The following CX3CL1 variants were observed in gnomAD, a reference collection of about 807,000 sequenced individuals.
The protein encoded by CX3CL1 is C-X3-C motif chemokine ligand 1.
A neutral mutation model predicts 14.1 loss-of-function variants in CX3CL1; 1 was observed. The ratio of observed to expected loss-of-function variants is 0.07; its 90% CI spans 0.03 to 0.34. The LOEUF is 0.34. Among genes scored for constraint, CX3CL1 ranks in the 10% least tolerant of loss-of-function variants. The pLI, the probability that CX3CL1 is intolerant of heterozygous loss-of-function variation, is 0.99. For missense variants in CX3CL1, 505 were observed against 536.4 expected, an observed-to-expected ratio of 0.94 and a Z score of 0.58; for synonymous variants, 255 against 229.6, an observed-to-expected ratio of 1.11 and a Z score of -1.00.
intron 2 of CX3CL1, among the ~76,000 whole-genome samples, chr16:57,380,797 A>G (rs1902309105): frequency 6.6e-6 from 1 of 152,052 alleles, no homozygotes; most frequent in Non-Finnish European, 1.5e-5. Flanking sequence ...TTTCCCCAGG[A>G]CTGACTTTTG....
rs1246696299 is a variant in CX3CL1, at chr16:57,379,680, G to A, written c.117G>A (p.Met39Ile). 6.2e-7 allele frequency: 1 copy of A among 1,614,226 alleles called. No individual in the cohort carries two copies. The highest frequency in any genetic ancestry group is 1.1e-5 in the South Asian group (1 of 91,082). ...VTKCNITCSK[M>I]TSKIPVALLI... ...AATGCAACATCACGTGCAGCAAGAT[G>A]ACATCAAAGATACCTGTAGCTTTGC... The change falls in exon 2 of 3, where the codon ATG becomes ATA. Residue 39 changes from methionine (M) to isoleucine (I), a missense_variant. Transcript: ENST00000006053.
chr16:57,374,558 A>G (rs1902221222), intron 1 of CX3CL1, among the ~76,000 whole-genome samples: 1 of 152,204 alleles, frequency 6.6e-6, no homozygotes, highest in African/African-American at 2.4e-5. Context: ...TGTCAGATCC[A>G]GGCCCCTGTC....
intron 2 of CX3CL1, among the ~76,000 whole-genome samples, chr16:57,381,110 T>C (rs1902314516): frequency 6.6e-6 from 1 of 152,244 alleles, no homozygotes; most frequent in Non-Finnish European, 1.5e-5. Context: ...TGGACTTCTC[T>C]GGTTTCCCGG....
At chr16:57,379,550 G>A in intron 1 of CX3CL1, 84 bp from the exon 2 acceptor site, 3 of 1,568,010 alleles carry the variant, frequency 1.9e-6, no homozygotes, top group Admixed American at 1.7e-5. Context: ...GGCTTGGGTG[G>A]TGTGGCCGGG....
chr16:57,382,030 C>T lies in CX3CL1; in HGVS notation c.192C>T (p.Ile64=). The stretch of plus-strand genomic sequence containing the variant: ...GAATCCCTGTCTTCCTCCCTTGTAG[C>T]TTGGAGACGAGACAGCACAGGCTGT... ...NQASCGKRAI[I]LETRQHRLFC... The change falls in exon 3 of 3, where the codon ATC becomes ATT. Residue 64 remains isoleucine (I), a splice_region_variant and synonymous_variant. Coordinates refer to ENST00000006053, the MANE Select transcript of CX3CL1 (RefSeq NM_002996.6). The surrounding 1 kb of genome is among the most constrained non-coding windows in gnomAD (Gnocchi z 6.9). 1 of 1,572,916 alleles carries T rather than the reference C, an allele frequency of 6.4e-7. No individual in the cohort carries two copies. The highest frequency in any genetic ancestry group is 8.7e-7 in the Non-Finnish European group (1 of 1,154,224).
At chr16:57,375,150 A>T (rs1902229390) in intron 1 of CX3CL1, among the ~76,000 whole-genome samples, 3 of 141,968 alleles carry the variant, frequency 2.1e-5, no homozygotes, top group Admixed American at 2.1e-4. Context: ...AAAAAAAAAA[A>T]AAGAAAGAAA....
At chr16:57,380,260 G>A (rs1271265887) in intron 2 of CX3CL1, among the ~76,000 whole-genome samples, 1 of 152,178 alleles carries the variant, frequency 6.6e-6, no homozygotes, top group African/African-American at 2.4e-5. Flanking sequence ...AGGACAGGAT[G>A]TAACTAAAGT....
rs1208213862 is a variant in CX3CL1, at chr16:57,383,737, C to G, written c.*705C>G. 6.5e-6 allele frequency: 1 copy of G among 152,852 alleles called. No homozygotes were observed. The highest frequency in any genetic ancestry group is 2.4e-5 in the African/African-American group (1 of 41,470). 9.5% of individuals were successfully genotyped at this position (152,852 alleles called of 1,614,324 possible). A position where few individuals can be genotyped will look rare whatever the true frequency, so the allele number is the denominator to read the frequency against. On this transcript the variant is annotated 3_prime_UTR_variant, in exon 3 of 3. Transcript: ENST00000006053. Reference sequence around the variant, plus strand: ...CACCATCAAGCCACCAACATACTCCCATCTGTGAAAGGAAAGAGGGAGGTA... The same window carrying G: ...CACCATCAAGCCACCAACATACTCCGATCTGTGAAAGGAAAGAGGGAGGTA...
chr16:57,379,549 G>A (rs1358502711), intron 1 of CX3CL1, 85 bp from the exon 2 acceptor site: 2 of 1,562,466 alleles, frequency 1.3e-6, no homozygotes, highest in East Asian at 2.3e-5. Context: ...TGGCTTGGGT[G>A]GTGTGGCCGG....
intron 1 of CX3CL1, 121 bp from the exon 2 acceptor site, chr16:57,379,513 G>A (rs1902289614): frequency 7.9e-7 from 1 of 1,273,792 alleles, no homozygotes; most frequent in Admixed American, 2.2e-5. Flanking sequence ...AGGCCTTGAA[G>A]GCCAGGGTGT....
At chr16:57,381,907 G>C in intron 2 of CX3CL1, 123 bp from the exon 3 acceptor site, 1 of 1,074,822 alleles carries the variant, frequency 9.3e-7, no homozygotes, top group Non-Finnish European at 1.3e-6. Flanking sequence ...ACGCTAAGTG[G>C]GAGGACAGGG....
Position 57,382,521 on chromosome 16 carries a change from C to G in CX3CL1, c.683C>G (p.Ala228Gly). Residue 228 changes from alanine (A) to glycine (G), a missense_variant, in exon 3 of 3, where the codon GCC (alanine) becomes GGC (glycine). Transcript: ENST00000006053. This position sits in a 1 kb window ranked among gnomAD's most constrained non-coding sequence, Gnocchi z 6.9. ...APSTQDPSTQ[A>G]STASSPAPEE... is the part of the protein sequence containing the mutation. ...TCCACCCAGGACCCCTCCACCCAGG[C>G]CTCCACTGCGTCCTCCCCAGCCCCA... The G allele has an allele frequency of 6.2e-7, 1 of 1,613,626 alleles. No homozygotes were observed. The highest frequency in any genetic ancestry group is 8.5e-7 in the Non-Finnish European group (1 of 1,179,920).
intron 2 of CX3CL1, among the ~76,000 whole-genome samples, chr16:57,380,628 A>G (rs1018270857): frequency 1.4e-5 from 2 of 145,848 alleles, no homozygotes; most frequent in Admixed American, 7.1e-5. Context: ...AGCTGCAGAA[A>G]TCACTATCTC....
In CX3CL1 at chr16:57,382,861, G is replaced by T; in HGVS notation, c.1023G>T (p.Gln341His). The T allele has an allele frequency of 6.4e-7, 1 of 1,558,048 alleles. No homozygotes were observed. The highest frequency in any genetic ancestry group is 8.7e-7 in the Non-Finnish European group (1 of 1,148,240). ...ACGCCCAGGCTGCCACCCGGAGGCA[G>T]GCGGTGGGGCTGCTGGCCTTCCTTG... ...VPDAQAATRR[Q>H]AVGLLAFLGL... The change falls in exon 3 of 3, where the codon CAG (glutamine) becomes CAT (histidine). Residue 341 changes from glutamine (Q) to histidine (H), a missense_variant. Gln to His is a conservative substitution (Grantham distance 24). Transcript: ENST00000006053. The surrounding 1 kb of genome is among the most constrained non-coding windows in gnomAD (Gnocchi z 6.9).
intron 1 of CX3CL1, 145 bp downstream of exon 1, chr16:57,372,783 G>T (rs367908467): frequency 4.0e-6 from 3 of 752,630 alleles, no homozygotes; most frequent in Admixed American, 2.5e-5. Flanking sequence ...ATGTGCGAGA[G>T]GGGGCTGGGC....
Position 57,382,877 on chromosome 16 carries a change from G to T in CX3CL1, c.1039G>T (p.Ala347Ser). The T allele has an allele frequency of 6.4e-7, 1 of 1,558,222 alleles. No individual in the cohort carries two copies. Among genetic ancestry groups the T allele is most frequent in the Non-Finnish European group, 8.7e-7 (1 of 1,147,774 alleles). The change falls in exon 3 of 3, where the codon GCC (alanine) becomes TCC (serine). Residue 347 changes from alanine (A) to serine (S), a missense_variant. Ala to Ser is a moderately conservative substitution (Grantham distance 99). Coordinates refer to ENST00000006053, the MANE Select transcript of CX3CL1 (RefSeq NM_002996.6). This position sits in a 1 kb window ranked among gnomAD's most constrained non-coding sequence, Gnocchi z 6.9. Reference sequence around the variant, plus strand: ...CCGGAGGCAGGCGGTGGGGCTGCTGGCCTTCCTTGGCCTCCTCTTCTGCCT... The same window carrying T: ...CCGGAGGCAGGCGGTGGGGCTGCTGTCCTTCCTTGGCCTCCTCTTCTGCCT... ...ATRRQAVGLL[A>S]FLGLLFCLGV...
At chr16:57,373,101 GC>G (rs1902201848) in intron 1 of CX3CL1, among the ~76,000 whole-genome samples, 2 of 152,234 alleles carry the variant, frequency 1.3e-5, no homozygotes, top group South Asian at 4.2e-4. Context: ...TGTTTTCAAA[GC>G]CCCCAGGATT....
In CX3CL1 at chr16:57,379,667, C is replaced by T. The variant is rs374124184; in HGVS notation, c.104C>T (p.Thr35Met). 6.2e-6 allele frequency: 10 copies of T among 1,614,182 alleles called. No individual in the cohort carries two copies. The highest frequency in any genetic ancestry group is 2.7e-5 in the African/African-American group (2 of 75,054). ...QHHGVTKCNI[T>M]CSKMTSKIPV... ...CACGGTGTGACGAAATGCAACATCA[C>T]GTGCAGCAAGATGACATCAAAGATA... Residue 35 changes from threonine (T) to methionine (M), a missense_variant, in exon 2 of 3, where the codon ACG (threonine) becomes ATG (methionine). Thr to Met is a moderately conservative substitution (Grantham distance 81). Coordinates refer to ENST00000006053, the MANE Select transcript of CX3CL1 (RefSeq NM_002996.6).
intron 1 of CX3CL1, among the ~76,000 whole-genome samples, chr16:57,374,205 C>T (rs1413757664): frequency 2.0e-5 from 3 of 152,008 alleles, no homozygotes; most frequent in African/African-American, 7.2e-5. Flanking sequence ...CTCGGGAGCC[C>T]CTGTAGGACA....
Sources: gnomAD v4.1 joint callset for allele counts (sites outside exome capture counted in the v4.1 genomes callset) on GRCh38, gnomAD v4.1.1 for gene constraint, Gnocchi (gnomAD v3.1) non-coding constraint, MANE v1.5 for transcripts, NCBI Gene and HGNC (gene_info 2026-07-23, HGNC 2026-07-21) for gene names.